RTEL1: variants seen among roughly 807,000 people sequenced by gnomAD.
The protein encoded by RTEL1 is regulator of telomere length.
In RTEL1, 86 loss-of-function variants were observed where a neutral mutation model predicts 162.2. The observed-to-expected ratio is 0.53, with a 90% CI of 0.45 to 0.63. RTEL1 has a LOEUF of 0.63. Among genes scored for constraint, RTEL1 ranks in the 30% least tolerant of loss-of-function variants. The pLI, the probability that RTEL1 is intolerant of heterozygous loss-of-function variation, is 0.00. For synonymous variants in RTEL1, 958 were observed against 717.9 expected, an observed-to-expected ratio of 1.33 and a Z score of -5.35; for missense variants, 1,941 against 1,750.2, an observed-to-expected ratio of 1.11 and a Z score of -1.95.
intron 6 of RTEL1, chr20:63,665,376 G>A (rs926457166): frequency 6.5e-6 from 1 of 152,752 alleles, no homozygotes; most frequent in Admixed American, 6.5e-5. Context: ...CTGTACTGTA[G>A]AGGCAAGGGA....
Position 63,689,879 on chromosome 20 carries a change from G to C in RTEL1, c.2141+14G>C. 1.9e-6 allele frequency: 3 copies of C among 1,598,074 alleles called. No individual in the cohort carries two copies. Among genetic ancestry groups the C allele is most frequent in the Non-Finnish European group, 2.6e-6 (3 of 1,173,836 alleles). ...CTGTGACCACAGGTGCGTGCAGTCC[G>C]GTGGCAGGCGCGGCGCCAGGGGACA... is the stretch of plus-strand genomic sequence containing the variant. On this transcript the variant is annotated intron_variant, in intron 24 of 34. Transcript: ENST00000360203.
At chr20:63,665,328 A>G (rs73920933) in intron 6 of RTEL1, 12,863 of 152,102 alleles carry the variant, frequency 0.085, 598 homozygotes, top group African/African-American at 0.11. Flanking sequence ...TGTTTAAGCA[A>G]CTCCCTAAGG....
Position 63,685,410 on chromosome 20 carries a change from C to T in RTEL1, c.1192-113C>T, listed in dbSNP as rs538104415. On this transcript the variant is annotated intron_variant, in intron 14 of 34. Coordinates refer to ENST00000360203, the MANE Select transcript of RTEL1 (RefSeq NM_001283009.2). ...CCTGGGGCTGCATGATGGCAGGGGC[C>T]GGTGAACCGATGACCCCTGGGTGTC... 140 of 1,064,190 alleles carry T rather than the reference C, an allele frequency of 1.3e-4. 1 individual carries two copies. Among genetic ancestry groups the T allele is most frequent in the Admixed American group, 9.7e-4 (41 of 42,248 alleles). 65.9% of individuals were successfully genotyped at this position (1,064,190 alleles called of 1,614,324 possible).
At position 63,691,785 on chromosome 20, in the gene RTEL1, C is replaced by A. The variant is rs139083375; in HGVS notation, c.2600C>A (p.Pro867Gln). Residue 867 changes from proline (P) to glutamine (Q), a missense_variant, in exon 28 of 35, where the codon CCG (proline) becomes CAG (glutamine). Pro to Gln is a moderately conservative substitution (Grantham distance 76). Transcript: ENST00000360203. ...CTGTCCCTCCTGTCTGAGAAGAGGC[C>A]GGCAGAAGAACCGCGAGGAGGGAGG... ...STLSLLSEKR[P>Q]AEEPRGGRKK... 5 of 1,612,466 alleles carry A rather than the reference C, an allele frequency of 3.1e-6. No homozygotes were observed. Among genetic ancestry groups the A allele is most frequent in the Non-Finnish European group, 4.2e-6 (5 of 1,179,832 alleles).
Position 63,694,823 on chromosome 20 carries a change from G to A in RTEL1, c.3192G>A (p.Leu1064=), listed in dbSNP as rs1411385727. ...KQGQHAVSAY[L]ADARRALGSA... Reference sequence around the variant, plus strand: ...GCCAGCACGCCGTGAGCGCCTACCTGGCTGATGCCCGCAGGGCCCTGGGGT... The same window carrying A: ...GCCAGCACGCCGTGAGCGCCTACCTAGCTGATGCCCGCAGGGCCCTGGGGT... The change falls in exon 32 of 35, where the codon CTG becomes CTA. Residue 1064 remains leucine, a synonymous_variant. Transcript: ENST00000360203. 1.2e-6 allele frequency: 2 copies of A among 1,612,564 alleles called. No individual in the cohort carries two copies. The highest frequency in any genetic ancestry group is 1.7e-5 in the Admixed American group (1 of 60,012).
chr20:63,691,178 G>A (rs1038644355), intron 27 of RTEL1, among the ~76,000 whole-genome samples: 3 of 152,110 alleles, frequency 2.0e-5, no homozygotes, highest in Non-Finnish European at 2.9e-5. Context: ...GGCCCTCCGC[G>A]GGTGCCCCCC....
At chr20:63,684,254 C>T (rs949198394) in intron 14 of RTEL1, among the ~76,000 whole-genome samples, 14 of 152,172 alleles carry the variant, frequency 9.2e-5, no homozygotes, top group African/African-American at 3.1e-4. Flanking sequence ...GACCGAGCGG[C>T]TCGGCTTCCC....
Position 63,674,236 on chromosome 20 carries a change from G to A in RTEL1, c.919+143G>A, listed in dbSNP as rs145859586. ...CCTGAGGCCCGTGCTACTGCAGTGG[G>A]CAGCCTGCCCTGTGGCTGTGTGTGG... On this transcript the variant is annotated intron_variant, in intron 10 of 34. Coordinates refer to ENST00000360203, the MANE Select transcript of RTEL1 (RefSeq NM_001283009.2). 926 of 1,417,074 alleles carry A rather than the reference G, an allele frequency of 6.5e-4. 7 individuals carry two copies. The African/African-American group carries it at 0.012, about 19-fold the overall frequency. 87.8% of individuals were successfully genotyped at this position (1,417,074 alleles called of 1,614,324 possible).
Position 63,661,542 on chromosome 20 carries a change from T to A in RTEL1, c.301+46T>A. ...TCTCCTGGCCTCCTGTGGGGATGGT[T>A]GGCAAGGGATGGCGCTGAGGGTGGG... On this transcript the variant is annotated intron_variant, in intron 3 of 34. Transcript: ENST00000360203. This position sits in a 1 kb window ranked among gnomAD's most constrained non-coding sequence, Gnocchi z 5.1. The A allele has an allele frequency of 1.9e-6, 3 of 1,563,254 alleles. No individual in the cohort carries two copies. The highest frequency in any genetic ancestry group is 2.6e-6 in the Non-Finnish European group (3 of 1,154,854).
In RTEL1 at chr20:63,685,941, T is replaced by C; in HGVS notation, c.1348+69T>C. ...TGCCCGGCACCACCATGCCACAGGC[T>C]AGGCACATGCCCAGCCGTGGATCTC... On this transcript the variant is annotated intron_variant, in intron 16 of 34. Transcript: ENST00000360203. 7 of 1,457,536 alleles carry C rather than the reference T, an allele frequency of 4.8e-6. No individual in the cohort carries two copies. The South Asian group carries it at 5.9e-5, about 12-fold the overall frequency. The allele number at this position is 1,457,536 out of a possible 1,614,324, so 90.3% of individuals were successfully genotyped here.
rs2145479801 is a variant in RTEL1, at chr20:63,695,423, G to A, written c.3595G>A (p.Asp1199Asn). The A allele has an allele frequency of 1.9e-6, 3 of 1,565,104 alleles. No homozygotes were observed. The highest frequency in any genetic ancestry group is 2.6e-6 in the Non-Finnish European group (3 of 1,154,520). Residue 1199 changes from aspartate to asparagine, a missense_variant, in exon 34 of 35, where the codon GAT becomes AAT. Coordinates refer to ENST00000360203, the MANE Select transcript of RTEL1 (RefSeq NM_001283009.2). Reference protein sequence around the residue: ...PAGTVGAGGEDAGPSQSSGPP... With the variant: ...PAGTVGAGGENAGPSQSSGPP... ...AGGGACTGTGGGGGCGGGCGGTGAG[G>A]ATGCAGGTCCCAGCCAGTCCTCAGG... is the stretch of plus-strand genomic sequence containing the variant.
In RTEL1 at chr20:63,668,936, T is replaced by C. The variant is rs1290162847; in HGVS notation, c.699+1383T>C. The stretch of plus-strand genomic sequence containing the variant: ...AGATGGCCCAGCTCAGGCACAGGCC[T>C]GCAGGCCATGGAGAAGGCAGCAAGC... On this transcript the variant is annotated intron_variant, in intron 8 of 34. Transcript: ENST00000360203. This position sits in a 1 kb window ranked among gnomAD's most constrained non-coding sequence, Gnocchi z 4.3. 1.3e-5 allele frequency among the ~76,000 whole-genome samples: 2 copies of C among 152,090 alleles called. No individual in the cohort carries two copies. The highest frequency in any genetic ancestry group is 2.1e-4 in the South Asian group (1 of 4,832).
chr20:63,692,131 T>G (rs1297879212), intron 28 of RTEL1: 1 of 371,830 alleles, frequency 2.7e-6, no homozygotes, highest in Non-Finnish European at 5.0e-6. Flanking sequence ...CACACCTGCC[T>G]CATGTGAGGG....
chr20:63,680,151 C>A (rs1190040277), intron 13 of RTEL1, among the ~76,000 whole-genome samples: 6 of 152,220 alleles, frequency 3.9e-5, no homozygotes, highest in African/African-American at 1.4e-4. Flanking sequence ...CTGCAGCTGG[C>A]GGCTTCGTCC....
At chr20:63,693,319 G>T in intron 30 of RTEL1, 36 bp downstream of exon 30, 1 of 1,608,586 alleles carries the variant, frequency 6.2e-7, no homozygotes. Flanking sequence ...TCAGACTCCT[G>T]CGTGGAAGGC....
chr20:63,694,425 C>T lies in RTEL1; in HGVS notation c.3046C>T (p.Leu1016=), dbSNP rs1601194528. ...LTVSTAAAQQ[L]DPQEHLNQGR... ...CGTGTCCACGGCTGCAGCCCAGCAG[C>T]TGGACCCCCAAGAGCACCTGAACCA... The change falls in exon 31 of 35, where the codon CTG becomes TTG. Residue 1016 remains leucine, a synonymous_variant. Transcript: ENST00000360203. The T allele has an allele frequency of 3.7e-6, 6 of 1,612,426 alleles. No homozygotes were observed. The highest frequency in any genetic ancestry group is 2.2e-5 in the South Asian group (2 of 91,076).
rs758611174 is a variant in RTEL1 at position 63,691,798 on chromosome 20, G to T, written c.2613G>T (p.Pro871=). The change falls in exon 28 of 35, where the codon CCG becomes CCT. Residue 871 remains proline (P), a synonymous_variant. Transcript: ENST00000360203. Reference sequence around the variant, plus strand: ...CTGAGAAGAGGCCGGCAGAAGAACCGCGAGGAGGGAGGAAGAAGATCCGGC... The same window carrying T: ...CTGAGAAGAGGCCGGCAGAAGAACCTCGAGGAGGGAGGAAGAAGATCCGGC... The part of the protein sequence containing the change: ...LLSEKRPAEE[P]RGGRKKIRLV... 8 of 1,612,348 alleles carry T rather than the reference G, an allele frequency of 5.0e-6. No homozygotes were observed. Among genetic ancestry groups the T allele is most frequent in the East Asian group, 2.2e-5 (1 of 44,874 alleles).
chr20:63,674,729 C>T (rs1247228823), intron 10 of RTEL1, among the ~76,000 whole-genome samples: 1 of 151,834 alleles, frequency 6.6e-6, no homozygotes, highest in South Asian at 2.1e-4. Context: ...TAAATATATT[C>T]ACTGTAAGGG....
Position 63,694,808 on chromosome 20 carries a change from CGT to C in RTEL1, c.3179_3180del (p.Val1060GlufsTer6). On this transcript the variant is annotated frameshift_variant, in exon 32 of 35. Transcript: ENST00000360203. LOFTEE classifies it high-confidence loss of function. The part of the protein sequence containing the change: ...PRAGKQGQHA[V>X]SAYLADARRA... ...GAGCAGGGAAGCAGGGCCAGCACGC[CGT>C]GAGCGCCTACCTGGCTGATGCCCGC... The C allele has an allele frequency of 6.2e-7, 1 of 1,612,410 alleles. No homozygotes were observed. The highest frequency in any genetic ancestry group is 2.2e-5 in the East Asian group (1 of 44,874).
Sources: allele counts gnomAD v4.1 joint callset (sites outside exome capture counted in the v4.1 genomes callset), GRCh38; gene constraint gnomAD v4.1.1; non-coding constraint Gnocchi (gnomAD v3.1); transcripts MANE v1.5; gene names NCBI Gene and HGNC (gene_info 2026-07-23, HGNC 2026-07-21).